ASIC2: variants seen among roughly 807,000 people sequenced by gnomAD.
The protein encoded by ASIC2 is acid-sensing ion channel 2.
In ASIC2, 25 loss-of-function variants were observed where a neutral mutation model predicts 57.3. The observed-to-expected ratio is 0.44, with a 90% CI of 0.32 to 0.61. The LOEUF (loss-of-function observed/expected upper bound fraction) is 0.61. Ranked by LOEUF, ASIC2 falls within the 20% of genes least tolerant of loss-of-function variation. The pLI is 0.06. For synonymous variants in ASIC2, 319 were observed against 307.5 expected, an observed-to-expected ratio of 1.04 and a Z score of -0.39; for missense variants, 641 against 738.1, an observed-to-expected ratio of 0.87 and a Z score of 1.52.
chr17:33,648,478 T>C (rs1906816699), intron 1 of ASIC2, among the ~76,000 whole-genome samples: 1 of 152,192 alleles, frequency 6.6e-6, no homozygotes, highest in Admixed American at 6.5e-5. Flanking sequence ...AACAATATAT[T>C]GAATAAATAA....
chr17:33,551,410 T>C (rs1385299459), intron 1 of ASIC2, among the ~76,000 whole-genome samples: 2 of 152,156 alleles, frequency 1.3e-5, no homozygotes, highest in African/African-American at 2.4e-5. Flanking sequence ...AGGCAGCACC[T>C]GTGGGGCTGT....
intron 1 of ASIC2, among the ~76,000 whole-genome samples, chr17:33,188,663 G>A (rs1420130961): frequency 1.3e-5 from 2 of 152,112 alleles, no homozygotes; most frequent in African/African-American, 2.4e-5. Context: ...TAGCTTTAAA[G>A]TACTGAGAGA....
chr17:33,325,893 T>TG (rs1907058654), intron 1 of ASIC2, among the ~76,000 whole-genome samples: 1 of 152,098 alleles, frequency 6.6e-6, no homozygotes, highest in Non-Finnish European at 1.5e-5. Flanking sequence ...CCAGTGCAGT[T>TG]GGGGGGCTGG....
intron 1 of ASIC2, chr17:33,569,273 G>A (rs1916351609): frequency 6.6e-6 from 1 of 152,328 alleles, no homozygotes; most frequent in Admixed American, 6.5e-5. Context: ...ATGTAGAATG[G>A]TGACATGTCT....
chr17:33,304,877 C>T (rs2142198057), intron 1 of ASIC2, among the ~76,000 whole-genome samples: 1 of 152,214 alleles, frequency 6.6e-6, no homozygotes, highest in South Asian at 2.1e-4. Context: ...GTGCCCTTGA[C>T]CCTTGGCTGG....
intron 2 of ASIC2, among the ~76,000 whole-genome samples, chr17:33,106,664 C>T (rs1381916257): frequency 2.0e-5 from 3 of 152,186 alleles, no homozygotes; most frequent in Non-Finnish European, 2.9e-5. Context: ...ATTACAGGGT[C>T]TCAGGTGAAC....
chr17:33,836,784 C>T (rs6505384), intron 1 of ASIC2, among the ~76,000 whole-genome samples: 2,790 of 152,102 alleles, frequency 0.018, 77 homozygotes, highest in African/African-American at 0.064. Flanking sequence ...ATCTGGGAGG[C>T]GGAGTTTACA....
At chr17:33,286,137 T>C (rs1167419682) in intron 1 of ASIC2, among the ~76,000 whole-genome samples, 2 of 152,254 alleles carry the variant, frequency 1.3e-5, no homozygotes. Flanking sequence ...TTTTAAACAA[T>C]ATGTTGCTGA....
In ASIC2 at chr17:33,165,646, T is replaced by C. The variant is rs566305314; in HGVS notation, c.709-53579A>G. Among the ~76,000 whole-genome samples, 48 of 152,284 alleles carry C rather than the reference T, an allele frequency of 3.2e-4. No homozygotes were observed. The Middle Eastern group carries it at 0.01, about 32-fold the overall frequency. Reference sequence around the variant, plus strand: ...TATTTCTGGGTTCTTGGATTCCTGATGTCACTCTGACCAAGCACTTTCTCA... The same window carrying C: ...TATTTCTGGGTTCTTGGATTCCTGACGTCACTCTGACCAAGCACTTTCTCA... On this transcript the variant is annotated intron_variant, in intron 1 of 9. Transcript: ENST00000225823.
intron 1 of ASIC2, among the ~76,000 whole-genome samples, chr17:33,564,202 T>G (rs1916163544): frequency 6.6e-6 from 1 of 152,160 alleles, no homozygotes; most frequent in Non-Finnish European, 1.5e-5. Context: ...CTGTCTGTCT[T>G]CCTCTCTCGT....
intron 2 of ASIC2, among the ~76,000 whole-genome samples, chr17:33,110,058 TG>T (rs1340783104): frequency 1.6e-4 from 24 of 152,152 alleles, no homozygotes; most frequent in African/African-American, 5.5e-4. Context: ...TCTGTGTGTG[TG>T]TGTGTGTGTG....
At chr17:34,017,260 T>C (rs959844335) in intron 1 of ASIC2, among the ~76,000 whole-genome samples, 1 of 152,218 alleles carries the variant, frequency 6.6e-6, no homozygotes, top group Non-Finnish European at 1.5e-5. Context: ...CTGATGTAAT[T>C]GTTTGGGGGC....
At chr17:33,862,268 C>T (rs75260655) in intron 1 of ASIC2, among the ~76,000 whole-genome samples, 3,206 of 152,266 alleles carry the variant, frequency 0.021, 47 homozygotes, top group Non-Finnish European at 0.031. Flanking sequence ...GATTTAGTTA[C>T]GTTTCAAGAC....
intron 1 of ASIC2, among the ~76,000 whole-genome samples, chr17:33,908,579 T>A (rs1459862244): frequency 3.3e-5 from 5 of 152,210 alleles, no homozygotes; most frequent in African/African-American, 9.6e-5. Flanking sequence ...TGGCAGTACT[T>A]CCTGCCCTTG....
chr17:33,377,624 T>G (rs1421798656), intron 1 of ASIC2, among the ~76,000 whole-genome samples: 2 of 152,248 alleles, frequency 1.3e-5, no homozygotes, highest in Non-Finnish European at 1.5e-5. Flanking sequence ...CTTGTCCATT[T>G]TCTTTTCTCC....
chr17:33,774,173 C>T (rs1001581697), intron 1 of ASIC2, among the ~76,000 whole-genome samples: 7 of 152,192 alleles, frequency 4.6e-5, no homozygotes, highest in South Asian at 4.1e-4. Flanking sequence ...AGGAAATCTG[C>T]TCCCAACTCT....
intron 1 of ASIC2, among the ~76,000 whole-genome samples, chr17:34,138,531 G>A (rs1300639694): frequency 6.6e-6 from 1 of 152,192 alleles, no homozygotes. Flanking sequence ...TAAATGATTA[G>A]GATCCTTACA....
intron 1 of ASIC2, among the ~76,000 whole-genome samples, chr17:33,513,229 A>G (rs1914478128): frequency 6.6e-6 from 1 of 152,202 alleles, no homozygotes; most frequent in Non-Finnish European, 1.5e-5. Context: ...TTTTCATTAA[A>G]TCACTCTCCT....
At chr17:33,559,850 A>T (rs1916018928) in intron 1 of ASIC2, among the ~76,000 whole-genome samples, 1 of 151,942 alleles carries the variant, frequency 6.6e-6, no homozygotes, top group Admixed American at 6.6e-5. Flanking sequence ...ACTATTTTTG[A>T]GTAAGTGAAT....
Sources: allele counts gnomAD v4.1 joint callset (sites outside exome capture counted in the v4.1 genomes callset), GRCh38; gene constraint gnomAD v4.1.1; transcripts MANE v1.5; gene names NCBI Gene and HGNC (gene_info 2026-07-23, HGNC 2026-07-21).